The following ZNF512 variants were observed in gnomAD, a reference collection of about 807,000 sequenced individuals.
ZNF512 encodes the protein zinc finger protein 512.
In ZNF512, 25 loss-of-function variants were observed where a neutral mutation model predicts 77.5. The observed-to-expected ratio is 0.32, with a 90% CI of 0.23 to 0.45. The LOEUF is 0.45. ZNF512 is among the 20% of genes least tolerant of loss of function. ZNF512 has a pLI of 1.00. For synonymous variants in ZNF512, 246 were observed against 239.9 expected (o/e 1.03, Z -0.24); for missense variants, 483 against 692.6 (o/e 0.70, Z 3.40).
chr2:27,583,805 T>C, intron 2 of ZNF512, 89 bp downstream of exon 2: 6 of 1,455,652 alleles, frequency 4.1e-6, no homozygotes, highest in Non-Finnish European at 5.6e-6. Flanking sequence ...GTTCTGTATC[T>C]GCATTGTCCA....
chr2:27,598,624 G>T (rs1671976888), intron 3 of ZNF512, among the ~76,000 whole-genome samples: 1 of 142,542 alleles, frequency 7.0e-6, no homozygotes, highest in African/African-American at 2.6e-5. Flanking sequence ...GCGAGACTCC[G>T]TCTCAAAAAA....
intron 10 of ZNF512, among the ~76,000 whole-genome samples, chr2:27,612,225 G>A (rs1024369281): frequency 5.9e-5 from 9 of 152,054 alleles, no homozygotes; most frequent in Non-Finnish European, 1.3e-4. Context: ...GTGGGCTCCT[G>A]TGTCTTTTTG....
At chr2:27,599,773 G>T in intron 4 of ZNF512, 95 bp downstream of exon 4, 1 of 1,259,980 alleles carries the variant, frequency 7.9e-7, no homozygotes, top group Non-Finnish European at 1.1e-6. Context: ...GAGCCCTTCA[G>T]TGACCTCTGA....
At chr2:27,588,622 A>G (rs1219688507) in intron 2 of ZNF512, among the ~76,000 whole-genome samples, 1 of 152,056 alleles carries the variant, frequency 6.6e-6, no homozygotes, top group Non-Finnish European at 1.5e-5. Flanking sequence ...TGTTCTACTG[A>G]TGTTTATTTA....
chr2:27,583,083 G>C lies in ZNF512; in HGVS notation c.-30G>C. On this transcript the variant is annotated 5_prime_UTR_variant, in exon 1 of 14. Transcript: ENST00000355467. ...GGCGTTGGTCTGGCCGGAGCCCTTGGGTGAAATTGTTAGGCGTGGAGAGGG... is the reference window on the plus strand; with the variant it reads ...GGCGTTGGTCTGGCCGGAGCCCTTGCGTGAAATTGTTAGGCGTGGAGAGGG... The C allele has an allele frequency of 6.2e-7, 1 of 1,614,142 alleles. No individual in the cohort carries two copies.
rs528639378 is a variant in ZNF512, at chr2:27,594,436, C to T, written c.90-3631C>T. On this transcript the variant is annotated intron_variant, in intron 2 of 13. Transcript: ENST00000355467. ...AGACGGGGTGGCGGCTGGGCAGAGA[C>T]GCTCCTCACCTCCCAGACGGGGTGG... 5.5e-4 allele frequency among the ~76,000 whole-genome samples: 60 copies of T among 109,494 alleles called. 1 individual carries two copies. Among genetic ancestry groups the T allele is most frequent in the African/African-American group, 1.6e-3 (44 of 27,776 alleles). 71.8% of individuals were successfully genotyped at this position (109,494 alleles called of 152,430 possible).
chr2:27,622,784 T>A lies in ZNF512; in HGVS notation c.*1323T>A, dbSNP rs558883916. The A allele has an allele frequency of 1.1e-3, 168 of 152,914 alleles. 1 individual carries two copies. Among genetic ancestry groups the A allele is most frequent in the African/African-American group, 3.9e-3 (161 of 41,582 alleles). The allele number at this position is 152,914 out of a possible 1,614,324, so 9.5% of individuals were successfully genotyped here. On this transcript the variant is annotated 3_prime_UTR_variant, in exon 14 of 14. Coordinates refer to ENST00000355467, the MANE Select transcript of ZNF512 (RefSeq NM_032434.4). ...TATAGACAAGTACTACCTTTTCAAA[T>A]TCTGAAAGGCTATTACCACTTTAAC...
At chr2:27,615,411 A>G in intron 11 of ZNF512, 142 bp downstream of exon 11, 1 of 541,420 alleles carries the variant, frequency 1.8e-6, no homozygotes, top group Non-Finnish European at 3.1e-6. Context: ...CCATAGAGCA[A>G]TAATTCTGTA....
chr2:27,617,659 G>A, intron 13 of ZNF512, 88 bp downstream of exon 13: 1 of 702,940 alleles, frequency 1.4e-6, no homozygotes, highest in South Asian at 1.6e-5. Context: ...AGGCTGTCAA[G>A]GAAAGTATCT....
chr2:27,609,123 A>G (rs1672494720), intron 10 of ZNF512, among the ~76,000 whole-genome samples: 1 of 151,212 alleles, frequency 6.6e-6, no homozygotes, highest in Non-Finnish European at 1.5e-5. Context: ...AAAAAAAAAA[A>G]GGAAAAGAAA....
intron 11 of ZNF512, 92 bp downstream of exon 11, chr2:27,615,361 C>A: frequency 1.3e-6 from 1 of 759,664 alleles, no homozygotes; most frequent in Non-Finnish European, 2.1e-6. Context: ...AGTACCTGAA[C>A]CTCAGTGGCT....
In ZNF512 at chr2:27,599,648, G is replaced by C; in HGVS notation, c.343G>C (p.Glu115Gln). Residue 115 changes from glutamate to glutamine, a missense_variant, in exon 4 of 14, where the codon GAA (glutamate) becomes CAA (glutamine). By Grantham distance (29) the Glu-to-Gln change is conservative. This residue lies in a region of ZNF512 where 159 missense variants were observed against 167.5 expected (regional missense o/e 0.95). Coordinates refer to ENST00000355467, the MANE Select transcript of ZNF512 (RefSeq NM_032434.4). ...PRQEEDEDYR[E>Q]FPQKKHKLYG... The stretch of plus-strand genomic sequence containing the variant: ...GCAGGAAGAAGATGAAGACTATCGA[G>C]AATTTCCTCAGAAGAAGCATAAGCT... The C allele has an allele frequency of 6.2e-7, 1 of 1,614,200 alleles. No individual in the cohort carries two copies. The highest frequency in any genetic ancestry group is 8.5e-7 in the Non-Finnish European group (1 of 1,180,012).
At position 27,600,706 on chromosome 2, in the gene ZNF512, A is replaced by G; in HGVS notation, c.473A>G (p.Gln158Arg). The change falls in exon 6 of 14, where the codon CAA becomes CGA. Residue 158 changes from glutamine (Q) to arginine (R), a missense_variant. Gln to Arg is a conservative substitution (Grantham distance 43). This residue lies in a region of ZNF512 where 324 missense variants were observed against 525.0 expected (regional missense o/e 0.62). Coordinates refer to ENST00000355467, the MANE Select transcript of ZNF512 (RefSeq NM_032434.4). ...PVYAAGSLEE[Q>R]WYLEIVDKGS... is the part of the protein sequence containing the mutation. ...TCCTTTGTAGGCAGTTTGGAGGAGC[A>G]ATGGTACTTAGAAATCGTTGATAAA... 12 of 1,613,838 alleles carry G rather than the reference A, an allele frequency of 7.4e-6. No individual in the cohort carries two copies. Among genetic ancestry groups the G allele is most frequent in the Non-Finnish European group, 1.0e-5 (12 of 1,179,832 alleles).
chr2:27,586,214 T>TTTGTTGTTGTTG (rs70953868), intron 2 of ZNF512, among the ~76,000 whole-genome samples: 2,655 of 149,534 alleles, frequency 0.018, 61 homozygotes, highest in African/African-American at 0.055. Flanking sequence ...CCATCAAGTC[T>TTTGTTGTTGTTG]TTGTTGTTGT....
At chr2:27,602,401 T>C (rs1346653709) in intron 7 of ZNF512, 62 bp from the exon 8 acceptor site, 1 of 1,516,472 alleles carries the variant, frequency 6.6e-7, no homozygotes, top group African/African-American at 1.4e-5. Context: ...TCTGATATTT[T>C]TTTTCCCTGT....
chr2:27,621,584 C>T lies in ZNF512; in HGVS notation c.*123C>T, dbSNP rs185377232. On this transcript the variant is annotated 3_prime_UTR_variant, in exon 14 of 14. Transcript: ENST00000355467. Reference sequence around the variant, plus strand: ...GTGTAAGGCTGTGACTTTCTCAGCTCCTTCCTCCTGTGTAAATTTCACTGT... The same window carrying T: ...GTGTAAGGCTGTGACTTTCTCAGCTTCTTCCTCCTGTGTAAATTTCACTGT... The T allele has an allele frequency of 7.8e-6, 8 of 1,021,618 alleles. No individual in the cohort carries two copies. The Admixed American group carries it at 2.3e-4, about 30-fold the overall frequency. 63.3% of individuals were successfully genotyped at this position (1,021,618 alleles called of 1,614,324 possible). A position where few individuals can be genotyped will look rare whatever the true frequency, so the allele number is the denominator to read the frequency against.
chr2:27,609,300 A>G (rs1358500573), intron 10 of ZNF512, among the ~76,000 whole-genome samples: 1 of 151,832 alleles, frequency 6.6e-6, no homozygotes, highest in Non-Finnish European at 1.5e-5. Context: ...TTATTTCTAC[A>G]TTTTTTTTGC....
At chr2:27,615,396 C>A in intron 11 of ZNF512, 127 bp downstream of exon 11, 1 of 584,364 alleles carries the variant, frequency 1.7e-6, no homozygotes, top group Non-Finnish European at 2.9e-6. Flanking sequence ...TATTTGTTCA[C>A]AATTCCATAG....
Position 27,611,980 on chromosome 2 carries a change from G to A in ZNF512, c.1132-3188G>A, listed in dbSNP as rs554541040. On this transcript the variant is annotated intron_variant, in intron 10 of 13. Transcript: ENST00000355467. ...GGATTACAGGCATGAACCACCGTGC[G>A]TGGCCGCCTGTAACAGTTATGCCTG... 7.8e-4 allele frequency among the ~76,000 whole-genome samples: 119 copies of A among 152,230 alleles called. 1 individual carries two copies. The highest frequency in any genetic ancestry group is 2.7e-3 in the African/African-American group (113 of 41,536).
Sources: allele counts gnomAD v4.1 joint callset (sites outside exome capture counted in the v4.1 genomes callset), GRCh38; gene constraint gnomAD v4.1.1; regional missense constraint gnomAD v4.1.1; transcripts MANE v1.5; gene names NCBI Gene and HGNC (gene_info 2026-07-23, HGNC 2026-07-21).